The following GALR1 variants were observed in gnomAD, a reference collection of about 807,000 sequenced individuals.
GALR1 encodes the protein galanin receptor type 1.
GALR1 carries 11 observed loss-of-function variants against 17.9 expected under a neutral mutation model. The observed-to-expected ratio is 0.62, with a 90% CI of 0.39 to 1.02. The LOEUF (loss-of-function observed/expected upper bound fraction) is 1.02. Among genes scored for constraint, GALR1 ranks in the 50% least tolerant of loss-of-function variants. The probability of loss-of-function intolerance (pLI) is 0.01; values close to 1 mark genes in which losing one functional copy is unlikely to be tolerated. For synonymous variants in GALR1, 206 were observed against 205.7 expected (o/e 1.00, Z -0.01); for missense variants, 441 against 456.9 (o/e 0.97, Z 0.32).
At chr18:77,265,406 C>T (rs1912923364) in intron 2 of GALR1, among the ~76,000 whole-genome samples, 1 of 152,222 alleles carries the variant, frequency 6.6e-6, no homozygotes, top group African/African-American at 2.4e-5. Context: ...GCATAGCCCC[C>T]TTCCGGGCTG....
intron 2 of GALR1, among the ~76,000 whole-genome samples, chr18:77,259,414 G>GTGGTGATGA: frequency 6.6e-6 from 1 of 150,414 alleles, no homozygotes; most frequent in South Asian, 2.1e-4. Flanking sequence ...GGTGGTTATG[G>GTGGTGATGA]TGGTGATGAT....
rs746743654 is a variant in GALR1, at chr18:77,250,778, T to A, written c.230T>A (p.Leu77Gln). The A allele has an allele frequency of 6.8e-6, 11 of 1,613,974 alleles. No homozygotes were observed. The highest frequency in any genetic ancestry group is 9.3e-6 in the Non-Finnish European group (11 of 1,179,986). ...ACCACCAACCTGTTCATCCTCAACC[T>A]GAGCATCGCCGACCTGGCCTACCTG... ...RSTTNLFILN[L>Q]SIADLAYLLF... The change falls in exon 1 of 3, where the codon CTG becomes CAG. Residue 77 changes from leucine to glutamine, a missense_variant. Leu to Gln is a moderately radical substitution (Grantham distance 113). Transcript: ENST00000299727.
In GALR1 at chr18:77,273,891, A is replaced by G. The variant is rs979171180; in HGVS notation, c.*4989A>G. 2.6e-5 allele frequency: 4 copies of G among 152,126 alleles called. No homozygotes were observed. The highest frequency in any genetic ancestry group is 9.7e-5 in the African/African-American group (4 of 41,432). The allele number at this position is 152,126 out of a possible 1,614,324, so 9.4% of individuals were successfully genotyped here. A position where few individuals can be genotyped will look rare whatever the true frequency, so the allele number is the denominator to read the frequency against. On this transcript the variant is annotated 3_prime_UTR_variant, in exon 3 of 3. Transcript: ENST00000299727. ...GTTGTGTAGCTCCAAATTCTCCGCAATTAGAGAAGGCACAGTAAAGAAAAG... is the reference window on the plus strand; with the variant it reads ...GTTGTGTAGCTCCAAATTCTCCGCAGTTAGAGAAGGCACAGTAAAGAAAAG...
chr18:77,271,472 C>G lies in GALR1; in HGVS notation c.*2570C>G, dbSNP rs978805760. 1.3e-4 allele frequency: 20 copies of G among 152,098 alleles called. No homozygotes were observed. The highest frequency in any genetic ancestry group is 4.6e-4 in the African/African-American group (19 of 41,428). 9.4% of individuals were successfully genotyped at this position (152,098 alleles called of 1,614,324 possible). On this transcript the variant is annotated 3_prime_UTR_variant, in exon 3 of 3. Transcript: ENST00000299727. Reference sequence around the variant, plus strand: ...AAAGAGTTTCAGAAGAACTCGTAAACAGAATGAAATTAACCAGAGAAGTAT... The same window carrying G: ...AAAGAGTTTCAGAAGAACTCGTAAAGAGAATGAAATTAACCAGAGAAGTAT...
rs553253521 is a variant in GALR1 at position 77,250,020 on chromosome 18, G to T, written c.-529G>T. 6.6e-6 allele frequency among the ~76,000 whole-genome samples: 1 copy of T among 152,292 alleles called. No homozygotes were observed. The highest frequency in any genetic ancestry group is 2.1e-4 in the South Asian group (1 of 4,822). ...AGGTGGCGCTGGGCGCGCGGGATGC[G>T]CGGGGAGCCTTCTCTGCAGGAGCCG... On this transcript the variant is annotated 5_prime_UTR_variant, in exon 1 of 3. Coordinates refer to ENST00000299727, the MANE Select transcript of GALR1 (RefSeq NM_001480.4).
intron 2 of GALR1, among the ~76,000 whole-genome samples, chr18:77,265,368 G>T (rs372684723): frequency 1.3e-5 from 2 of 152,192 alleles, no homozygotes; most frequent in South Asian, 2.1e-4. Flanking sequence ...CATGGCCTTG[G>T]GTAGCTCCTC....
At position 77,275,318 on chromosome 18, in the gene GALR1, T is replaced by C. The variant is rs1215213416; in HGVS notation, c.*6416T>C. 7 of 152,522 alleles carry C rather than the reference T, an allele frequency of 4.6e-5. No homozygotes were observed. Among genetic ancestry groups the C allele is most frequent in the African/African-American group, 1.7e-4 (7 of 41,584 alleles). The allele number at this position is 152,522 out of a possible 1,614,324, so 9.4% of individuals were successfully genotyped here. A position where few individuals can be genotyped will look rare whatever the true frequency, so the allele number is the denominator to read the frequency against. On this transcript the variant is annotated 3_prime_UTR_variant, in exon 3 of 3. Transcript: ENST00000299727. ...TTGACTCCCGCTGCAGGGAGCTCTC[T>C]GGGCCCGGGCATGTTGGATGGAGTT... is the stretch of plus-strand genomic sequence containing the variant.
At chr18:77,252,959 T>C (rs867816380) in intron 1 of GALR1, among the ~76,000 whole-genome samples, 1,431 of 24,432 alleles carry the variant, frequency 0.059, 9 homozygotes, top group Middle Eastern at 0.088. Context: ...ATCACCACCA[T>C]CACCACCACC....
intron 1 of GALR1, among the ~76,000 whole-genome samples, chr18:77,252,082 C>T (rs1427534495): frequency 2.0e-5 from 3 of 152,168 alleles, no homozygotes; most frequent in Admixed American, 2.0e-4. Context: ...ACCGTCCACG[C>T]GTGTGGGAGA....
At chr18:77,263,186 A>G (rs1469938969) in intron 2 of GALR1, among the ~76,000 whole-genome samples, 1 of 152,238 alleles carries the variant, frequency 6.6e-6, no homozygotes, top group African/African-American at 2.4e-5. Context: ...TTGTAGGTAT[A>G]ATTATATCTA....
In GALR1 at chr18:77,275,563, T is replaced by A. The variant is rs1913139880; in HGVS notation, c.*6661T>A. ...CTATGTGACTTGCCATTGCGGTCAC[T>A]GGTTATACAAAGTCTCTGTTTAGAA... On this transcript the variant is annotated 3_prime_UTR_variant, in exon 3 of 3. Transcript: ENST00000299727. 6.6e-6 allele frequency: 1 copy of A among 152,196 alleles called. No homozygotes were observed. The highest frequency in any genetic ancestry group is 6.5e-5 in the Admixed American group (1 of 15,274). 9.4% of individuals were successfully genotyped at this position (152,196 alleles called of 1,614,324 possible).
intron 2 of GALR1, among the ~76,000 whole-genome samples, chr18:77,266,088 C>G (rs1912938093): frequency 6.6e-6 from 1 of 152,150 alleles, no homozygotes; most frequent in South Asian, 2.1e-4. Flanking sequence ...TGCAAATTTT[C>G]CAAACGTTTA....
rs1913155571 is a variant in GALR1, at chr18:77,276,222, A to G, written c.*7320A>G. 6.6e-6 allele frequency: 1 copy of G among 152,210 alleles called. No individual in the cohort carries two copies. The highest frequency in any genetic ancestry group is 2.4e-5 in the African/African-American group (1 of 41,456). The allele number at this position is 152,210 out of a possible 1,614,324, so 9.4% of individuals were successfully genotyped here. ...CAAATCTTTTAATCTCTTCAGTTCT[A>G]TCTGCCTAAGTGAGGAGAGTAGTTG... On this transcript the variant is annotated 3_prime_UTR_variant, in exon 3 of 3. Coordinates refer to ENST00000299727, the MANE Select transcript of GALR1 (RefSeq NM_001480.4).
rs535443459 is a variant in GALR1 at position 77,273,793 on chromosome 18, G to C, written c.*4891G>C. ...AATTGCTTGAAGAGCTGAACTGTTA[G>C]CTCAAGATTTCGTTGGCACTGTTGG... On this transcript the variant is annotated 3_prime_UTR_variant, in exon 3 of 3. Transcript: ENST00000299727. The C allele has an allele frequency of 1.3e-5, 2 of 152,274 alleles. No homozygotes were observed. The highest frequency in any genetic ancestry group is 4.1e-4 in the South Asian group (2 of 4,830). The allele number at this position is 152,274 out of a possible 1,614,324, so 9.4% of individuals were successfully genotyped here. A position where few individuals can be genotyped will look rare whatever the true frequency, so the allele number is the denominator to read the frequency against.
At chr18:77,261,849 G>A (rs867449498) in intron 2 of GALR1, among the ~76,000 whole-genome samples, 1 of 152,058 alleles carries the variant, frequency 6.6e-6, no homozygotes, top group Non-Finnish European at 1.5e-5. Flanking sequence ...TTAGGGATGG[G>A]GTCTTGCTTT....
In GALR1 at chr18:77,271,018, G is replaced by A. The variant is rs1018831314; in HGVS notation, c.*2116G>A. The A allele has an allele frequency of 6.6e-6, 1 of 152,126 alleles. No individual in the cohort carries two copies. Among genetic ancestry groups the A allele is most frequent in the African/African-American group, 2.4e-5 (1 of 41,418 alleles). The allele number at this position is 152,126 out of a possible 1,614,324, so 9.4% of individuals were successfully genotyped here. A position where few individuals can be genotyped will look rare whatever the true frequency, so the allele number is the denominator to read the frequency against. On this transcript the variant is annotated 3_prime_UTR_variant, in exon 3 of 3. Coordinates refer to ENST00000299727, the MANE Select transcript of GALR1 (RefSeq NM_001480.4). ...GTGTAAAGAAGTGCCTTCTTGTTGT[G>A]TTTGAGTTTGCATGAATGGAAATGA...
intron 2 of GALR1, among the ~76,000 whole-genome samples, chr18:77,261,588 G>T (rs1354539208): frequency 6.6e-6 from 1 of 152,158 alleles, no homozygotes; most frequent in Non-Finnish European, 1.5e-5. Flanking sequence ...CTAAAATCAC[G>T]CTCCTGCAGA....
chr18:77,268,911 A>G lies in GALR1; in HGVS notation c.*9A>G, dbSNP rs771275729. 1.3e-6 allele frequency: 2 copies of G among 1,596,646 alleles called. No individual in the cohort carries two copies. The highest frequency in any genetic ancestry group is 1.7e-6 in the Non-Finnish European group (2 of 1,165,780). On this transcript the variant is annotated 3_prime_UTR_variant, in exon 3 of 3. Coordinates refer to ENST00000299727, the MANE Select transcript of GALR1 (RefSeq NM_001480.4). The stretch of plus-strand genomic sequence containing the variant: ...ATTGTACTCATGTGTGATAAAAGAT[A>G]GAGTATCCTTATGGTTGAGTTTCCA...
In GALR1 at chr18:77,269,509, A is replaced by T; in HGVS notation, c.*607A>T. The T allele has an allele frequency of 6.6e-6, 1 of 152,466 alleles. No homozygotes were observed. The highest frequency in any genetic ancestry group is 1.9e-4 in the East Asian group (1 of 5,204). The allele number at this position is 152,466 out of a possible 1,614,324, so 9.4% of individuals were successfully genotyped here. ...CTTTGGAAGCCTGTCATTATGAGAT[A>T]CAGTCGGTTTACCTCAGGAGTCAAT... On this transcript the variant is annotated 3_prime_UTR_variant, in exon 3 of 3. Transcript: ENST00000299727.
Sources: allele counts gnomAD v4.1 joint callset (sites outside exome capture counted in the v4.1 genomes callset), GRCh38; gene constraint gnomAD v4.1.1; transcripts MANE v1.5; gene names NCBI Gene and HGNC (gene_info 2026-07-23, HGNC 2026-07-21).